The following GRID2 variants were observed in gnomAD, a reference collection of about 807,000 sequenced individuals.
GRID2 encodes the protein glutamate ionotropic receptor delta type subunit 2, also known as glutamate receptor ionotropic, delta-2.
GRID2 carries 33 observed loss-of-function variants against 114.8 expected under a neutral mutation model. That is an observed-to-expected ratio of 0.29 (90% CI 0.22 to 0.38). The LOEUF is 0.38. GRID2 is among the 10% of genes least tolerant of loss of function. The probability of loss-of-function intolerance (pLI) is 1.00; values close to 1 mark genes in which losing one functional copy is unlikely to be tolerated. For missense variants in GRID2, 1,184 were observed against 1,257.7 expected (o/e 0.94, Z 0.89); for synonymous variants, 505 against 449.9 (o/e 1.12, Z -1.55).
chr4:93,556,176 A>T (rs1734298707), intron 13 of GRID2, among the ~76,000 whole-genome samples: 1 of 152,178 alleles, frequency 6.6e-6, no homozygotes, highest in African/African-American at 2.4e-5. Flanking sequence ...AAGGCTGAAA[A>T]TTTCAAAAAC....
chr4:92,944,012 G>C (rs1312876704), intron 2 of GRID2, among the ~76,000 whole-genome samples: 2 of 152,208 alleles, frequency 1.3e-5, no homozygotes, highest in Non-Finnish European at 2.9e-5. Flanking sequence ...GTGCCTCCCA[G>C]TTAGGCTACT....
chr4:93,138,277 A>T (rs1364091880), intron 4 of GRID2, among the ~76,000 whole-genome samples: 3 of 151,446 alleles, frequency 2.0e-5, no homozygotes, highest in Non-Finnish European at 2.9e-5. Context: ...ACTCAGCTGA[A>T]TTTTTTTCTT....
chr4:92,902,558 T>G (rs2149481823), intron 2 of GRID2, among the ~76,000 whole-genome samples: 1 of 152,196 alleles, frequency 6.6e-6, no homozygotes, highest in East Asian at 1.9e-4. Flanking sequence ...CAGTCATAAA[T>G]TCTTTGCCTA....
chr4:93,362,748 C>T (rs980889185), intron 8 of GRID2, among the ~76,000 whole-genome samples: 2 of 151,972 alleles, frequency 1.3e-5, no homozygotes, highest in African/African-American at 4.8e-5. Context: ...TCGTTGTAAA[C>T]ACATGGTGAG....
intron 2 of GRID2, among the ~76,000 whole-genome samples, chr4:93,075,966 C>T (rs188199299): frequency 0.029 from 3,950 of 137,226 alleles, 186 homozygotes; most frequent in African/African-American, 0.1. Context: ...TGCAGTGGCG[C>T]GATCTCGGCT....
At chr4:93,295,813 C>A (rs1754242752) in intron 8 of GRID2, among the ~76,000 whole-genome samples, 1 of 152,142 alleles carries the variant, frequency 6.6e-6, no homozygotes, top group Admixed American at 6.5e-5. Flanking sequence ...ATAACTGGGA[C>A]TATATCCTAG....
intron 1 of GRID2, among the ~76,000 whole-genome samples, chr4:92,566,690 G>A (rs1467835079): frequency 6.6e-6 from 1 of 151,970 alleles, no homozygotes; most frequent in African/African-American, 2.4e-5. Flanking sequence ...CACAGATATT[G>A]TTTTATTCAC....
At chr4:93,524,783 GTGTATA>G (rs1475727574) in intron 13 of GRID2, among the ~76,000 whole-genome samples, 1 of 86,622 alleles carries the variant, frequency 1.2e-5, no homozygotes, top group African/African-American at 3.9e-5. Context: ...ATGTATGTAT[GTGTATA>G]TATATATATA....
intron 1 of GRID2, among the ~76,000 whole-genome samples, chr4:92,380,164 A>G (rs1028934189): frequency 2.0e-5 from 3 of 151,802 alleles, no homozygotes; most frequent in Non-Finnish European, 4.4e-5. Context: ...TTTTTTTTGT[A>G]TCACTTAGCC....
chr4:93,400,677 T>C (rs1765795136), intron 9 of GRID2, among the ~76,000 whole-genome samples: 1 of 152,128 alleles, frequency 6.6e-6, no homozygotes. Context: ...ATAAGATATC[T>C]GAGAACCATA....
intron 4 of GRID2, among the ~76,000 whole-genome samples, chr4:93,161,349 C>A (rs938963902): frequency 2.0e-5 from 3 of 151,938 alleles, no homozygotes; most frequent in East Asian, 3.9e-4. Context: ...CTCATCATTT[C>A]TGTGACCTTT....
chr4:93,095,192 G>A (rs1368545066), intron 3 of GRID2, among the ~76,000 whole-genome samples: 3 of 151,634 alleles, frequency 2.0e-5, no homozygotes, highest in South Asian at 2.1e-4. Context: ...TTGTTACATA[G>A]GTATACATGT....
At chr4:92,532,738 T>G (rs1011713306) in intron 1 of GRID2, among the ~76,000 whole-genome samples, 87 of 152,304 alleles carry the variant, frequency 5.7e-4, no homozygotes, top group African/African-American at 2.0e-3. Flanking sequence ...ATGTTTATTT[T>G]CTACATTTCA....
chr4:93,126,602 T>TTTTTTC (rs1734287798), intron 4 of GRID2, among the ~76,000 whole-genome samples: 1 of 124,166 alleles, frequency 8.1e-6, no homozygotes, highest in African/African-American at 3.1e-5. Context: ...TTTTTTTTTT[T>TTTTTTC]TTTTTTTTTT....
intron 1 of GRID2, among the ~76,000 whole-genome samples, chr4:92,525,881 G>T (rs1482760728): frequency 6.6e-6 from 1 of 152,090 alleles, no homozygotes; most frequent in Non-Finnish European, 1.5e-5. Context: ...TTCTATGCTG[G>T]TGAGAACGCA....
intron 2 of GRID2, among the ~76,000 whole-genome samples, chr4:93,079,905 T>C (rs1729700733): frequency 6.6e-6 from 1 of 152,156 alleles, no homozygotes; most frequent in South Asian, 2.1e-4. Flanking sequence ...GAATAAAATC[T>C]TAACAATTTT....
At chr4:93,454,245 T>C (rs1412882483) in intron 10 of GRID2, among the ~76,000 whole-genome samples, 1 of 152,080 alleles carries the variant, frequency 6.6e-6, no homozygotes, top group Non-Finnish European at 1.5e-5. Flanking sequence ...ACTGTTTTAA[T>C]ATAAAAAATT....
intron 2 of GRID2, among the ~76,000 whole-genome samples, chr4:92,683,125 T>C (rs1183391748): frequency 4.6e-5 from 7 of 151,846 alleles, no homozygotes; most frequent in Non-Finnish European, 7.4e-5. Flanking sequence ...CGGTGAAACC[T>C]TGCCTCTACT....
At chr4:93,265,137 A>T (rs1750679339) in intron 8 of GRID2, among the ~76,000 whole-genome samples, 1 of 152,080 alleles carries the variant, frequency 6.6e-6, no homozygotes, top group Non-Finnish European at 1.5e-5. Flanking sequence ...TAGTCTTTTC[A>T]GGATTCTATT....
Sources: allele counts gnomAD v4.1 joint callset (sites outside exome capture counted in the v4.1 genomes callset), GRCh38; gene constraint gnomAD v4.1.1; transcripts MANE v1.5; gene names NCBI Gene and HGNC (gene_info 2026-07-23, HGNC 2026-07-21).